Variants in RABEP1 observed in about 807,000 individuals in gnomAD.
RABEP1 encodes the protein rabaptin, RAB GTPase binding effector protein 1, also known as rab GTPase-binding effector protein 1.
Under a neutral mutation model 123.4 loss-of-function variants are expected in RABEP1, and 51 were observed. The ratio of observed to expected loss-of-function variants is 0.41; its 90% CI spans 0.33 to 0.52. The LOEUF (loss-of-function observed/expected upper bound fraction) is 0.52. Among genes scored for constraint, RABEP1 ranks in the 20% least tolerant of loss-of-function variants. The pLI is 0.16. For missense variants in RABEP1, 888 were observed against 996.3 expected (o/e 0.89, Z 1.46); for synonymous variants, 347 against 355.2 (o/e 0.98, Z 0.26).
chr17:5,319,961 T>C (rs2075337290), intron 2 of RABEP1, among the ~76,000 whole-genome samples: 1 of 152,178 alleles, frequency 6.6e-6, no homozygotes, highest in Admixed American at 6.6e-5. Flanking sequence ...GTAGAAAGCT[T>C]ATTCAAAGAA....
rs770491698 is a variant in RABEP1 at position 5,354,340 on chromosome 17, G to GT, written c.964-12dup. ...AGTAGGTTACTTGGGTCATATATAT[G>GT]TTTTTTTCTTCCTTTTAGGAGGATG... On this transcript the variant is annotated intron_variant, in intron 7 of 17. Coordinates refer to ENST00000537505, the MANE Select transcript of RABEP1 (RefSeq NM_004703.6). 7 of 1,595,686 alleles carry GT rather than the reference G, an allele frequency of 4.4e-6. No homozygotes were observed. In the East Asian group the frequency reaches 1.1e-4, roughly 26 times the overall value.
In RABEP1 at chr17:5,376,350, C is replaced by G. The variant is rs180983907; in HGVS notation, c.2026-766C>G. Among the ~76,000 whole-genome samples, 102 of 152,240 alleles carry G rather than the reference C, an allele frequency of 6.7e-4. 2 individuals carry two copies. The highest frequency in any genetic ancestry group is 2.3e-3 in the African/African-American group (96 of 41,544). Reference sequence around the variant, plus strand: ...CTCAAGAAAAAGAAAAAAAAAGTTCCAAGAATCCTTGAAGAATGTAGTCAG... The same window carrying G: ...CTCAAGAAAAAGAAAAAAAAAGTTCGAAGAATCCTTGAAGAATGTAGTCAG... On this transcript the variant is annotated intron_variant, in intron 13 of 17. Transcript: ENST00000537505.
At chr17:5,293,160 G>A (rs536500839) in intron 1 of RABEP1, among the ~76,000 whole-genome samples, 1 of 152,152 alleles carries the variant, frequency 6.6e-6, no homozygotes, top group African/African-American at 2.4e-5. Flanking sequence ...GGTGGTGCGT[G>A]CCTGTAATCC....
chr17:5,295,874 G>C (rs1392818291), intron 1 of RABEP1, among the ~76,000 whole-genome samples: 1 of 152,060 alleles, frequency 6.6e-6, no homozygotes. Flanking sequence ...ATTTAGTTCT[G>C]ATTTCTTTTT....
intron 2 of RABEP1, among the ~76,000 whole-genome samples, chr17:5,322,004 G>A (rs1388788611): frequency 6.6e-6 from 1 of 152,232 alleles, no homozygotes; most frequent in Non-Finnish European, 1.5e-5. Flanking sequence ...TTCAAGACCA[G>A]CCTGGCCAAC....
At chr17:5,339,780 G>A (rs1301004918) in intron 5 of RABEP1, among the ~76,000 whole-genome samples, 2 of 152,038 alleles carry the variant, frequency 1.3e-5, no homozygotes, top group Admixed American at 6.6e-5. Flanking sequence ...TCCAGCCTGG[G>A]CGACAGAGTG....
chr17:5,381,681 C>T (rs889546751), intron 17 of RABEP1, 176 bp downstream of exon 17: 15 of 1,162,230 alleles, frequency 1.3e-5, no homozygotes, highest in Non-Finnish European at 1.6e-5. Flanking sequence ...GTTCTTCACA[C>T]TTGGCCCATT....
chr17:5,335,602 C>G (rs142386833), intron 4 of RABEP1, among the ~76,000 whole-genome samples: 1 of 152,284 alleles, frequency 6.6e-6, no homozygotes, highest in African/African-American at 2.4e-5. Context: ...AACCTGCCAA[C>G]TTCCCTCTGC....
At position 5,364,596 on chromosome 17, in the gene RABEP1, G is replaced by A. The variant is rs1047824384; in HGVS notation, c.1669-526G>A. 3.3e-5 allele frequency among the ~76,000 whole-genome samples: 5 copies of A among 151,970 alleles called. No individual in the cohort carries two copies. In the South Asian group the frequency reaches 1.0e-3, roughly 31 times the overall value. ...AAAAATGCAAAATTAGCCAGGTGTG[G>A]TGGTGCATGCCTGTAATCCCAGCTA... On this transcript the variant is annotated intron_variant, in intron 10 of 17. Transcript: ENST00000537505.
At chr17:5,375,862 T>TTTTATTTATTTA (rs148587942) in intron 13 of RABEP1, among the ~76,000 whole-genome samples, 2 of 149,838 alleles carry the variant, frequency 1.3e-5, no homozygotes, top group East Asian at 2.0e-4. Context: ...TTTTATTTCA[T>TTTTATTTATTTA]TTTATTTATT....
intron 1 of RABEP1, among the ~76,000 whole-genome samples, chr17:5,295,267 A>G (rs1286129757): frequency 1.3e-5 from 2 of 151,840 alleles, no homozygotes; most frequent in African/African-American, 4.8e-5. Flanking sequence ...CACACCTGTA[A>G]TCCCAGCTAT....
In RABEP1 at chr17:5,377,151, C is replaced by G; in HGVS notation, c.2061C>G (p.Asp687Glu). 2 of 1,606,440 alleles carry G rather than the reference C, an allele frequency of 1.2e-6. No homozygotes were observed. The highest frequency in any genetic ancestry group is 1.1e-5 in the South Asian group (1 of 89,216). ...LRELVLKYRE[D>E]IINVRTAADH... The stretch of plus-strand genomic sequence containing the variant: ...AGTTGGTATTAAAATACCGTGAGGA[C>G]ATCATTAATGTGCGGACAGCAGCAG... The change falls in exon 14 of 18, where the codon GAC becomes GAG. Residue 687 changes from aspartate (D) to glutamate (E), a missense_variant. Asp to Glu is a conservative substitution (Grantham distance 45). Coordinates refer to ENST00000537505, the MANE Select transcript of RABEP1 (RefSeq NM_004703.6).
chr17:5,371,301 TTC>T (rs1050557222), intron 12 of RABEP1: 1 of 152,218 alleles, frequency 6.6e-6, no homozygotes, highest in African/African-American at 2.4e-5. Flanking sequence ...GATTTGATTT[TTC>T]TTTCTTGATT....
intron 5 of RABEP1, among the ~76,000 whole-genome samples, chr17:5,340,576 A>G (rs1431752898): frequency 1.3e-5 from 2 of 152,124 alleles, no homozygotes; most frequent in African/African-American, 2.4e-5. Flanking sequence ...TGGACATGAA[A>G]AAAATACTCA....
At chr17:5,367,432 C>A (rs190391236) in intron 11 of RABEP1, among the ~76,000 whole-genome samples, 3 of 150,826 alleles carry the variant, frequency 2.0e-5, no homozygotes, top group Non-Finnish European at 4.5e-5. Context: ...CCACCACGCC[C>A]GGCTAATTTT....
chr17:5,310,841 G>C (rs757418260), intron 2 of RABEP1, among the ~76,000 whole-genome samples: 1 of 145,070 alleles, frequency 6.9e-6, no homozygotes, highest in Non-Finnish European at 1.5e-5. Context: ...ACCGAGTCTC[G>C]CTGTGTTGTC....
At chr17:5,379,651 C>T (rs1016966778) in intron 15 of RABEP1, among the ~76,000 whole-genome samples, 1 of 152,058 alleles carries the variant, frequency 6.6e-6, no homozygotes, top group Non-Finnish European at 1.5e-5. Flanking sequence ...CTAGCTGCCA[C>T]TCTTTGAGTT....
At chr17:5,350,709 T>G (rs1019909695) in intron 7 of RABEP1, 80 bp downstream of exon 7, 1 of 1,455,100 alleles carries the variant, frequency 6.9e-7, no homozygotes, top group African/African-American at 1.4e-5. Flanking sequence ...TTATGTGTAT[T>G]AGAGACTGAC....
chr17:5,290,685 C>T (rs921105336), intron 1 of RABEP1, among the ~76,000 whole-genome samples: 20 of 152,038 alleles, frequency 1.3e-4, no homozygotes, highest in African/African-American at 9.7e-5. Context: ...CTTGGCCTCC[C>T]GGGTTCAAGT....
Sources: allele counts gnomAD v4.1 joint callset (sites outside exome capture counted in the v4.1 genomes callset), GRCh38; gene constraint gnomAD v4.1.1; transcripts MANE v1.5; gene names NCBI Gene and HGNC (gene_info 2026-07-23, HGNC 2026-07-21).